TENM3: variants seen among roughly 807,000 people sequenced by gnomAD.
TENM3 encodes the protein teneurin transmembrane protein 3.
In TENM3, 63 loss-of-function variants were observed where a neutral mutation model predicts 255.1. That is an observed-to-expected ratio of 0.25 (90% CI 0.20 to 0.30). The LOEUF (loss-of-function observed/expected upper bound fraction) is 0.30, where lower values mean the gene tolerates loss of function less well. Among genes scored for constraint, TENM3 ranks in the 10% least tolerant of loss-of-function variants. The pLI is 1.00. For missense variants in TENM3, 2,929 were observed against 3,461.1 expected, an observed-to-expected ratio of 0.85 and a Z score of 3.86; for synonymous variants, 1,306 against 1,322.3, an observed-to-expected ratio of 0.99 and a Z score of 0.27.
the TENM3 span, among the ~76,000 whole-genome samples, chr4:182,125,003 C>T: frequency 7.5e-6 from 1 of 133,696 alleles, no homozygotes; most frequent in Non-Finnish European, 1.6e-5. Flanking sequence ...GTGTGCTACT[C>T]GCCCCTGCTG....
At chr4:182,561,757 A>T (rs1743204441) in intron 3 of TENM3, among the ~76,000 whole-genome samples, 1 of 152,250 alleles carries the variant, frequency 6.6e-6, no homozygotes, top group Middle Eastern at 3.4e-3. Flanking sequence ...TATTAAAAAC[A>T]ACCTAAATGC....
At chr4:181,610,311 A>T in the TENM3 span, among the ~76,000 whole-genome samples, 1 of 152,146 alleles carries the variant, frequency 6.6e-6, no homozygotes, top group Non-Finnish European at 1.5e-5. Context: ...TTCATTTGTG[A>T]GGCGTGTATA....
the TENM3 span, among the ~76,000 whole-genome samples, chr4:182,065,576 A>C: frequency 6.6e-6 from 1 of 152,124 alleles, no homozygotes. Flanking sequence ...AGCAAGGGGG[A>C]AATCCGCCCC....
intron 1 of TENM3, among the ~76,000 whole-genome samples, chr4:182,171,946 T>G (rs944985637): frequency 3.3e-5 from 5 of 152,052 alleles, no homozygotes; most frequent in African/African-American, 1.2e-4. Context: ...TGTACCTTAT[T>G]AGGAAAGGGT....
the TENM3 span, among the ~76,000 whole-genome samples, chr4:182,020,520 C>A: frequency 6.6e-6 from 1 of 151,908 alleles, no homozygotes; most frequent in Admixed American, 6.6e-5. Context: ...CAATAATATA[C>A]CATTTCACAT....
intron 1 of TENM3, among the ~76,000 whole-genome samples, chr4:182,151,928 C>A (rs1321201461): frequency 6.6e-6 from 1 of 151,862 alleles, no homozygotes; most frequent in East Asian, 1.9e-4. Flanking sequence ...TATACACAGC[C>A]ATATTTTGTC....
At chr4:181,952,874 A>G in the TENM3 span, among the ~76,000 whole-genome samples, 1 of 152,252 alleles carries the variant, frequency 6.6e-6, no homozygotes, top group South Asian at 2.1e-4. Flanking sequence ...TAATTAGGAA[A>G]GGGACCTCAT....
At chr4:182,642,271 A>C (rs1752383524) in intron 5 of TENM3, among the ~76,000 whole-genome samples, 1 of 152,164 alleles carries the variant, frequency 6.6e-6, no homozygotes, top group African/African-American at 2.4e-5. Context: ...ACATCAGGAA[A>C]ACAGTCTGTT....
At chr4:181,559,323 C>A in the TENM3 span, among the ~76,000 whole-genome samples, 1 of 152,114 alleles carries the variant, frequency 6.6e-6, no homozygotes, top group Admixed American at 6.5e-5. Context: ...AATGTGTATA[C>A]CGACCCACAA....
chr4:182,368,970 G>A (rs186204893), intron 3 of TENM3, among the ~76,000 whole-genome samples: 3 of 152,232 alleles, frequency 2.0e-5, no homozygotes, highest in Non-Finnish European at 2.9e-5. Context: ...CTGGTTCTGC[G>A]ATTCAAACAT....
chr4:182,243,252 T>C (rs1757399334), upstream of TENM3, among the ~76,000 whole-genome samples: 1 of 152,106 alleles, frequency 6.6e-6, no homozygotes, highest in African/African-American at 2.4e-5. Context: ...GTAGCTGGGA[T>C]TACAGGCATG....
chr4:181,889,529 G>A, the TENM3 span, among the ~76,000 whole-genome samples: 1 of 152,168 alleles, frequency 6.6e-6, no homozygotes, highest in Non-Finnish European at 1.5e-5. Flanking sequence ...TGCTTTTTGA[G>A]GCTGTTTTTG....
chr4:182,289,593 A>C (rs1760977965), intron 1 of TENM3, among the ~76,000 whole-genome samples: 2 of 151,722 alleles, frequency 1.3e-5, no homozygotes, highest in Admixed American at 6.5e-5. Context: ...TTAAAGTTTG[A>C]GCTTAGGAAA....
At chr4:182,461,466 G>T (rs1350234805) in intron 3 of TENM3, among the ~76,000 whole-genome samples, 1 of 152,178 alleles carries the variant, frequency 6.6e-6, no homozygotes, top group African/African-American at 2.4e-5. Flanking sequence ...ACCAGAACAT[G>T]GAGGACCATG....
chr4:182,174,167 G>A (rs899736676), intron 1 of TENM3, among the ~76,000 whole-genome samples: 3 of 151,720 alleles, frequency 2.0e-5, no homozygotes, highest in Non-Finnish European at 4.4e-5. Flanking sequence ...TGTCATCGCG[G>A]GAAATTTCTC....
chr4:182,473,597 A>T (rs939352808), intron 3 of TENM3, among the ~76,000 whole-genome samples: 2 of 151,972 alleles, frequency 1.3e-5, no homozygotes, highest in Non-Finnish European at 2.9e-5. Flanking sequence ...GGCGTGAACT[A>T]GGGAGGCGGA....
At chr4:181,599,335 G>A in the TENM3 span, among the ~76,000 whole-genome samples, 1 of 152,156 alleles carries the variant, frequency 6.6e-6, no homozygotes, top group Non-Finnish European at 1.5e-5. Flanking sequence ...AATTATAAAT[G>A]CCACATTAAA....
the TENM3 span, among the ~76,000 whole-genome samples, chr4:181,810,762 C>G: frequency 1.3e-5 from 2 of 152,008 alleles, no homozygotes; most frequent in South Asian, 2.1e-4. Context: ...GTTACTTCCT[C>G]AAGTCAGATT....
chr4:182,264,215 G>A (rs192086144), intron 1 of TENM3, among the ~76,000 whole-genome samples: 98 of 152,308 alleles, frequency 6.4e-4, no homozygotes, highest in African/African-American at 2.2e-3. Context: ...CTATGAATTC[G>A]TTTTTCTGTG....
Sources: allele counts gnomAD v4.1 joint callset (sites outside exome capture counted in the v4.1 genomes callset), GRCh38; gene constraint gnomAD v4.1.1; transcripts MANE v1.5; gene names NCBI Gene and HGNC (gene_info 2026-07-23, HGNC 2026-07-21).